KATNIP: variants seen among roughly 807,000 people sequenced by gnomAD.
KATNIP encodes katanin-interacting protein.
A neutral mutation model predicts 174.0 loss-of-function variants in KATNIP; 126 were observed. The observed-to-expected ratio is 0.72, with a 90% CI of 0.63 to 0.84. The LOEUF (loss-of-function observed/expected upper bound fraction) is 0.84. KATNIP is among the 40% of genes least tolerant of loss of function. The pLI is 0.00. For missense variants in KATNIP, 1,958 were observed against 2,109.7 expected (o/e 0.93, Z 1.41); for synonymous variants, 810 against 835.7 (o/e 0.97, Z 0.53).
intron 1 of KATNIP, among the ~76,000 whole-genome samples, chr16:27,550,381 G>C (rs2089297115): frequency 6.6e-6 from 1 of 152,152 alleles, no homozygotes; most frequent in Non-Finnish European, 1.5e-5. Context: ...TGACCATTCT[G>C]CTCGGCTGTG....
intron 7 of KATNIP, among the ~76,000 whole-genome samples, chr16:27,678,510 G>A (rs2078208276): frequency 6.6e-6 from 1 of 151,848 alleles, no homozygotes; most frequent in East Asian, 1.9e-4. Flanking sequence ...CCTGTGTCTT[G>A]CTTCCATTCT....
chr16:27,655,216 A>T (rs1228028946), intron 6 of KATNIP, among the ~76,000 whole-genome samples: 6 of 113,776 alleles, frequency 5.3e-5, no homozygotes, highest in African/African-American at 2.4e-4. Flanking sequence ...ATATATATAT[A>T]TATATATATA....
intron 6 of KATNIP, among the ~76,000 whole-genome samples, chr16:27,675,529 C>A (rs2078082089): frequency 1.3e-5 from 2 of 152,166 alleles, no homozygotes; most frequent in Admixed American, 1.3e-4. Context: ...GTTTTCAAGG[C>A]CTGGGAATAA....
chr16:27,776,409 C>T lies in KATNIP; in HGVS notation c.4450-519C>T, dbSNP rs1036655838. Reference sequence around the variant, plus strand: ...CCACTTTTCCCACTGGATTCTGCCCCGATCTAGACAGCCCCCTTTTTACTC... The same window carrying T: ...CCACTTTTCCCACTGGATTCTGCCCTGATCTAGACAGCCCCCTTTTTACTC... On this transcript the variant is annotated intron_variant, in intron 24 of 27. Coordinates refer to ENST00000261588, the MANE Select transcript of KATNIP (RefSeq NM_015202.5). The surrounding 1 kb of genome is among the most constrained non-coding windows in gnomAD (Gnocchi z 4.7). Among the ~76,000 whole-genome samples the T allele has an allele frequency of 2.6e-4, 39 of 152,156 alleles. No homozygotes were observed. The highest frequency in any genetic ancestry group is 4.0e-4 in the Non-Finnish European group (27 of 68,024).
chr16:27,710,844 A>G (rs2079544125), intron 13 of KATNIP, among the ~76,000 whole-genome samples: 1 of 152,120 alleles, frequency 6.6e-6, no homozygotes, highest in South Asian at 2.1e-4. Flanking sequence ...TACCACTGGG[A>G]AAAGTAGTTA....
intron 2 of KATNIP, among the ~76,000 whole-genome samples, chr16:27,576,769 T>C (rs1200295002): frequency 1.3e-5 from 2 of 152,212 alleles, no homozygotes; most frequent in Non-Finnish European, 2.9e-5. Context: ...CAACCCTCTG[T>C]GCCTTACCCA....
intron 15 of KATNIP, among the ~76,000 whole-genome samples, chr16:27,746,365 C>T (rs1040317680): frequency 6.6e-6 from 1 of 152,186 alleles, no homozygotes; most frequent in Admixed American, 6.5e-5. Context: ...TGGGTAGTTC[C>T]TTCTGCCACA....
rs1165580781 is a variant in KATNIP at position 27,776,589 on chromosome 16, G to C, written c.4450-339G>C. Among the ~76,000 whole-genome samples, 1 of 152,182 alleles carries C rather than the reference G, an allele frequency of 6.6e-6. No individual in the cohort carries two copies. The highest frequency in any genetic ancestry group is 2.4e-5 in the African/African-American group (1 of 41,448). On this transcript the variant is annotated intron_variant, in intron 24 of 27. Coordinates refer to ENST00000261588, the MANE Select transcript of KATNIP (RefSeq NM_015202.5). The surrounding 1 kb of genome is among the most constrained non-coding windows in gnomAD (Gnocchi z 4.7). ...GTTGGGGACTGTCCCTTTAGCTCAT[G>C]GGGCTCTAGACTATTTCTGGGCCTG...
chr16:27,745,361 C>T lies in KATNIP; in HGVS notation c.2624-4223C>T, dbSNP rs184728200. On this transcript the variant is annotated intron_variant, in intron 15 of 27. Coordinates refer to ENST00000261588, the MANE Select transcript of KATNIP (RefSeq NM_015202.5). ...TGGGTCCACTTCCCCTCACTTTCCT[C>T]ACGATATCAGCTTTCTCTGCTACTC... is the stretch of plus-strand genomic sequence containing the variant. Among the ~76,000 whole-genome samples the T allele has an allele frequency of 1.4e-4, 21 of 152,362 alleles. No homozygotes were observed. The East Asian group carries it at 2.9e-3, about 21-fold the overall frequency.
chr16:27,754,215 G>A lies in KATNIP; in HGVS notation c.3595G>A (p.Val1199Ile). 1 of 1,614,212 alleles carries A rather than the reference G, an allele frequency of 6.2e-7. No homozygotes were observed. The highest frequency in any genetic ancestry group is 8.5e-7 in the Non-Finnish European group (1 of 1,180,044). Residue 1199 changes from valine (V) to isoleucine (I), a missense_variant, in exon 18 of 28, where the codon GTC (valine) becomes ATC (isoleucine). By Grantham distance (29) the Val-to-Ile change is conservative. Transcript: ENST00000261588. ...ELPSSSPVPQ[V>I]TTPEPGIYHG... is the part of the protein sequence containing the mutation. ...CCCATCCAGTTCCCCTGTCCCCCAA[G>A]TCACCACGCCAGAGCCAGGCATCTA...
In KATNIP at chr16:27,703,923, C is replaced by G. The variant is rs140871815; in HGVS notation, c.1314C>G (p.Leu438=). The change falls in exon 12 of 28, where the codon CTC becomes CTG. Residue 438 remains leucine (L), a synonymous_variant. Coordinates refer to ENST00000261588, the MANE Select transcript of KATNIP (RefSeq NM_015202.5). ...SRQQQKLLKV[L]QAVESDSAHL... ...AACAGCAGAAGCTTCTGAAAGTCCTCCAGGCCGTCGAAAGTGACTCTGCCC... is the reference window on the plus strand; with the variant it reads ...AACAGCAGAAGCTTCTGAAAGTCCTGCAGGCCGTCGAAAGTGACTCTGCCC... 2.2e-5 allele frequency: 35 copies of G among 1,614,102 alleles called. No individual in the cohort carries two copies. The African/African-American group carries it at 4.4e-4, about 20-fold the overall frequency.
chr16:27,725,580 G>T (rs1232728775), intron 14 of KATNIP, among the ~76,000 whole-genome samples: 1 of 152,230 alleles, frequency 6.6e-6, no homozygotes, highest in Non-Finnish European at 1.5e-5. Flanking sequence ...AGGTCCGCTT[G>T]TCTTTCTCTG....
intron 13 of KATNIP, among the ~76,000 whole-genome samples, chr16:27,715,964 C>T (rs2079914571): frequency 6.9e-6 from 1 of 145,620 alleles, no homozygotes; most frequent in South Asian, 2.1e-4. Flanking sequence ...TAACTAAAAA[C>T]ATACATTTAT....
intron 2 of KATNIP, among the ~76,000 whole-genome samples, chr16:27,604,764 T>C (rs1369099971): frequency 6.6e-6 from 1 of 152,206 alleles, no homozygotes; most frequent in Non-Finnish European, 1.5e-5. Context: ...TTTCCCAGTG[T>C]GTGTTTTGCC....
At chr16:27,604,492 C>T (rs1171441529) in intron 2 of KATNIP, among the ~76,000 whole-genome samples, 2 of 152,172 alleles carry the variant, frequency 1.3e-5, no homozygotes, top group Non-Finnish European at 2.9e-5. Context: ...GCCTCAGCCT[C>T]CCAAAGTGCT....
chr16:27,584,791 CA>C (rs879545292), intron 2 of KATNIP, among the ~76,000 whole-genome samples: 138 of 140,336 alleles, frequency 9.8e-4, no homozygotes, highest in Admixed American at 7.8e-4. Context: ...AATTCCATCT[CA>C]AAAAAAAAAA....
intron 18 of KATNIP, 123 bp from the exon 19 acceptor site, chr16:27,761,290 C>T: frequency 2.0e-6 from 2 of 1,023,298 alleles, no homozygotes; most frequent in South Asian, 3.4e-5. Flanking sequence ...CTGCAAGGCA[C>T]TTTGGGTCTG....
chr16:27,553,189 G>A (rs940729218), intron 1 of KATNIP, among the ~76,000 whole-genome samples: 2 of 152,146 alleles, frequency 1.3e-5, no homozygotes, highest in African/African-American at 4.8e-5. Flanking sequence ...AAATCTAAAC[G>A]TTGACCTTTC....
At chr16:27,711,648 A>G (rs1013385310) in intron 13 of KATNIP, among the ~76,000 whole-genome samples, 1 of 152,240 alleles carries the variant, frequency 6.6e-6, no homozygotes, top group Non-Finnish European at 1.5e-5. Context: ...GCAGGGCAGG[A>G]AAAGATTCTC....
Sources: allele counts gnomAD v4.1 joint callset (sites outside exome capture counted in the v4.1 genomes callset), GRCh38; gene constraint gnomAD v4.1.1; non-coding constraint Gnocchi (gnomAD v3.1); transcripts MANE v1.5; gene names NCBI Gene and HGNC (gene_info 2026-07-23, HGNC 2026-07-21).